The following FIRRM variants were observed in gnomAD, a reference collection of about 807,000 sequenced individuals.
The protein encoded by FIRRM is FIGNL1 interacting regulator of recombination and mitosis.
chr1:169,797,692 G>A, the FIRRM span, among the ~76,000 whole-genome samples: 4 of 152,034 alleles, frequency 2.6e-5, no homozygotes, highest in African/African-American at 4.8e-5. Context: ...TTACAGGCAC[G>A]TGCCACCATG....
chr1:169,853,049 C>T, the FIRRM span: 1 of 1,507,268 alleles, frequency 6.6e-7, no homozygotes, highest in South Asian at 1.2e-5. Flanking sequence ...TATGTCTGTA[C>T]ATTTTCTAAC....
At chr1:169,791,070 G>C in the FIRRM span, among the ~76,000 whole-genome samples, 1 of 152,130 alleles carries the variant, frequency 6.6e-6, no homozygotes, top group Non-Finnish European at 1.5e-5. Flanking sequence ...CACCGCTGCT[G>C]ATCTGACAGG....
At chr1:169,851,256 A>G in the FIRRM span, 2 of 153,048 alleles carry the variant, frequency 1.3e-5, no homozygotes, top group Admixed American at 6.6e-5. Flanking sequence ...AAACTGAATT[A>G]TTTGATATAT....
chr1:169,830,309 G>A, the FIRRM span: 1 of 1,613,726 alleles, frequency 6.2e-7, no homozygotes, highest in Non-Finnish European at 8.5e-7. Flanking sequence ...TCACCTCTTT[G>A]TTAGCTATGG....
At chr1:169,793,011 G>A in the FIRRM span, 1 of 1,614,058 alleles carries the variant, frequency 6.2e-7, no homozygotes, top group Non-Finnish European at 8.5e-7. Flanking sequence ...ACTACATTAG[G>A]TAAGGTTACT....
the FIRRM span, among the ~76,000 whole-genome samples, chr1:169,810,746 CAATT>C: frequency 5.1e-4 from 75 of 147,876 alleles, no homozygotes; most frequent in African/African-American, 1.8e-3. Context: ...TATTTATTCT[CAATT>C]AAGTCTTGAA....
the FIRRM span, among the ~76,000 whole-genome samples, chr1:169,844,937 C>G: frequency 6.6e-6 from 1 of 152,042 alleles, no homozygotes; most frequent in African/African-American, 2.4e-5. Context: ...AGCCCAAGAG[C>G]TAGGCATGAA....
chr1:169,829,417 A>G, the FIRRM span: 3 of 1,613,074 alleles, frequency 1.9e-6, no homozygotes, highest in Non-Finnish European at 2.5e-6. Context: ...TACATTTATT[A>G]CTTCCTTTCA....
the FIRRM span, chr1:169,804,176 G>A: frequency 0.1 from 163,499 of 1,597,444 alleles, 9,871 homozygotes; most frequent in Admixed American, 0.25. Flanking sequence ...TAATGGAACT[G>A]CTGGACATGG....
At chr1:169,830,293 A>G in the FIRRM span, 4 of 1,613,838 alleles carry the variant, frequency 2.5e-6, no homozygotes, top group Non-Finnish European at 3.4e-6. Context: ...CTTAGTGCTA[A>G]TATGATCACC....
chr1:169,811,744 A>T, the FIRRM span, among the ~76,000 whole-genome samples: 3 of 145,110 alleles, frequency 2.1e-5, no homozygotes, highest in East Asian at 2.8e-4. Context: ...TAATAGACAG[A>T]TTATCTAAAT....
At chr1:169,835,647 G>A in the FIRRM span, among the ~76,000 whole-genome samples, 1 of 151,982 alleles carries the variant, frequency 6.6e-6, no homozygotes, top group Non-Finnish European at 1.5e-5. Context: ...TTGAAACCAG[G>A]GTTTTCAACC....
the FIRRM span, chr1:169,853,367 A>G: frequency 3.1e-6 from 1 of 327,842 alleles, no homozygotes; most frequent in East Asian, 6.0e-5. Context: ...CACAAAATTA[A>G]GCTAACCAGC....
At chr1:169,835,716 T>C in the FIRRM span, among the ~76,000 whole-genome samples, 1 of 152,204 alleles carries the variant, frequency 6.6e-6, no homozygotes, top group Admixed American at 6.5e-5. Context: ...CCCTTTTATG[T>C]TGTCCAGGAC....
chr1:169,853,118 T>TA, the FIRRM span: 4 of 854,954 alleles, frequency 4.7e-6, no homozygotes, highest in Non-Finnish European at 7.3e-6. Context: ...ATTTGACATT[T>TA]AGAGAACAGG....
the FIRRM span, chr1:169,823,581 T>C: frequency 1.7e-6 from 1 of 601,566 alleles, no homozygotes; most frequent in Non-Finnish European, 2.8e-6. Context: ...TCTTAATGTT[T>C]TAGTAATTTT....
At chr1:169,793,757 T>G in the FIRRM span, 1 of 1,443,614 alleles carries the variant, frequency 6.9e-7, no homozygotes, top group Non-Finnish European at 9.3e-7. Context: ...TAGAATTTGA[T>G]GATACACACA....
chr1:169,792,605 ATT>A, the FIRRM span: 1 of 1,568,306 alleles, frequency 6.4e-7, no homozygotes, highest in Middle Eastern at 2.1e-4. Flanking sequence ...AGTTATTTCA[ATT>A]ATGAACCTCT....
At chr1:169,793,232 G>C in the FIRRM span, 2 of 1,614,186 alleles carry the variant, frequency 1.2e-6, no homozygotes, top group South Asian at 2.2e-5. Context: ...AATCAGATCA[G>C]AGTGAGAAGA....
Sources: gnomAD v4.1 joint callset for allele counts (sites outside exome capture counted in the v4.1 genomes callset) on GRCh38, gnomAD v4.1.1 for gene constraint, MANE v1.5 for transcripts, NCBI Gene and HGNC (gene_info 2026-07-23, HGNC 2026-07-21) for gene names.